The following SMG6 variants were observed in gnomAD, a reference collection of about 807,000 sequenced individuals.
SMG6 encodes telomerase-binding protein EST1A.
Under a neutral mutation model 142.2 loss-of-function variants are expected in SMG6, and 66 were observed. The ratio of observed to expected loss-of-function variants is 0.46; its 90% CI spans 0.38 to 0.57. The LOEUF (loss-of-function observed/expected upper bound fraction) is 0.57. Ranked by LOEUF, SMG6 falls within the 20% of genes least tolerant of loss-of-function variation. The pLI is 0.00. For missense variants in SMG6, 1,793 were observed against 1,832.0 expected (o/e 0.98, Z 0.39); for synonymous variants, 779 against 702.4 (o/e 1.11, Z -1.72).
chr17:2,263,250 G>A (rs1463365744), intron 8 of SMG6, among the ~76,000 whole-genome samples: 1 of 152,146 alleles, frequency 6.6e-6, no homozygotes, highest in Non-Finnish European at 1.5e-5. Flanking sequence ...TTTCTACTAA[G>A]AGCAGAAATT....
At chr17:2,167,185 CA>C (rs11439104) in intron 13 of SMG6, among the ~76,000 whole-genome samples, 1 of 132,648 alleles carries the variant, frequency 7.5e-6, no homozygotes, top group Non-Finnish European at 1.6e-5. Flanking sequence ...AAAAGGCAGG[CA>C]AAAAAAATAA....
chr17:2,135,470 T>C (rs1422258175), intron 13 of SMG6, among the ~76,000 whole-genome samples: 3 of 152,102 alleles, frequency 2.0e-5, no homozygotes, highest in Non-Finnish European at 2.9e-5. Flanking sequence ...TCTTTCCCCG[T>C]CCACCCCCAC....
chr17:2,216,166 G>GCCTT (rs1184558271), intron 10 of SMG6, among the ~76,000 whole-genome samples: 6 of 152,096 alleles, frequency 3.9e-5, no homozygotes, highest in African/African-American at 1.4e-4. Context: ...GGGATCTCGG[G>GCCTT]CAAGGTGGAA....
intron 2 of SMG6, 49 bp downstream of exon 2, chr17:2,298,857 C>A (rs1321184627): frequency 1.9e-6 from 3 of 1,550,030 alleles, no homozygotes; most frequent in Admixed American, 1.8e-5. Context: ...AATCTATACA[C>A]CTCCGGCTGA....
rs9630709 is a variant in SMG6, at chr17:2,267,892, C to T, written c.2661+14755G>A. 9.2e-3 allele frequency among the ~76,000 whole-genome samples: 1,389 copies of T among 151,438 alleles called. 15 individuals carry two copies. Among genetic ancestry groups the T allele is most frequent in the Non-Finnish European group, 0.015 (1,002 of 67,918 alleles). On this transcript the variant is annotated intron_variant, in intron 8 of 18. Coordinates refer to ENST00000263073, the MANE Select transcript of SMG6 (RefSeq NM_017575.5). ...CCTCCCGAGTAGATGGGACTACAGG[C>T]GCCTGCCACCACACCCGGCTAATTT...
chr17:2,139,907 G>C (rs931018436), intron 13 of SMG6, among the ~76,000 whole-genome samples: 3 of 151,744 alleles, frequency 2.0e-5, no homozygotes, highest in South Asian at 4.2e-4. Context: ...TGTATTTTTA[G>C]TAGAGATGGG....
At chr17:2,127,604 C>T in intron 13 of SMG6, 1 of 582,908 alleles carries the variant, frequency 1.7e-6, no homozygotes, top group Non-Finnish European at 3.4e-6. Flanking sequence ...TGCAATGTCA[C>T]TATTTCTGTT....
chr17:2,127,369 TAAGA>T, intron 13 of SMG6: 1 of 599,598 alleles, frequency 1.7e-6, no homozygotes, highest in Non-Finnish European at 3.2e-6. Flanking sequence ...GTTGTACACT[TAAGA>T]AATGGTTGAA....
intron 12 of SMG6, among the ~76,000 whole-genome samples, chr17:2,175,101 G>A (rs986219096): frequency 3.3e-5 from 5 of 152,164 alleles, no homozygotes; most frequent in South Asian, 2.1e-4. Context: ...CCAGTTCCCC[G>A]CTTCCTCCCC....
intron 15 of SMG6, among the ~76,000 whole-genome samples, chr17:2,072,321 G>A (rs1048386835): frequency 6.6e-6 from 1 of 152,126 alleles, no homozygotes; most frequent in Non-Finnish European, 1.5e-5. Flanking sequence ...TCCCTGGATA[G>A]TGCCCTTGGA....
At chr17:2,271,244 C>T (rs1377224464) in intron 8 of SMG6, among the ~76,000 whole-genome samples, 1 of 151,554 alleles carries the variant, frequency 6.6e-6, no homozygotes, top group African/African-American at 2.4e-5. Flanking sequence ...GCATGCACCA[C>T]TATGCCCGGC....
chr17:2,274,998 A>G (rs540709645), intron 8 of SMG6, among the ~76,000 whole-genome samples: 1 of 133,930 alleles, frequency 7.5e-6, no homozygotes, highest in East Asian at 2.0e-4. Flanking sequence ...AGCATAAAAA[A>G]GCATGGGCAA....
At position 2,172,776 on chromosome 17, in the gene SMG6, T is replaced by C. The variant is rs1470609261; in HGVS notation, c.3239A>G (p.Lys1080Arg). ...AVNQSEVPLY[K>R]DPDDDLTLLI... ...AAGGGTGAGGTCATCATCCGGGTCC[T>C]TGTACAGTGGCACCTCAGACTGATT... The change falls in exon 13 of 19, where the codon AAG becomes AGG. Residue 1080 changes from lysine to arginine, a missense_variant. Around this residue, in one of 3 missense-constraint regions of SMG6, gnomAD observed 1,597 missense variants for 1,584.6 expected, o/e 1.01. Transcript: ENST00000263073. 1 of 1,614,168 alleles carries C rather than the reference T, an allele frequency of 6.2e-7. No homozygotes were observed. Among genetic ancestry groups the C allele is most frequent in the Admixed American group, 1.7e-5 (1 of 60,024 alleles).
At chr17:2,162,319 T>C (rs907630860) in intron 13 of SMG6, among the ~76,000 whole-genome samples, 10 of 151,846 alleles carry the variant, frequency 6.6e-5, no homozygotes, top group Non-Finnish European at 1.3e-4. Flanking sequence ...GAGACCATCC[T>C]GGCTAACATG....
At chr17:2,246,340 C>A (rs926630193) in intron 8 of SMG6, among the ~76,000 whole-genome samples, 75 of 152,194 alleles carry the variant, frequency 4.9e-4, no homozygotes, top group African/African-American at 1.7e-3. Flanking sequence ...GTGGTCAGGG[C>A]AAGGAGTCCA....
At chr17:2,111,172 A>G (rs1036202521) in intron 13 of SMG6, among the ~76,000 whole-genome samples, 4 of 151,142 alleles carry the variant, frequency 2.6e-5, no homozygotes, top group Admixed American at 1.3e-4. Flanking sequence ...ACAGCAGTGA[A>G]TAAAACAATG....
chr17:2,190,263 T>C (rs919205473), intron 10 of SMG6, among the ~76,000 whole-genome samples: 3 of 152,038 alleles, frequency 2.0e-5, no homozygotes, highest in Non-Finnish European at 4.4e-5. Context: ...AAGAGGGAGT[T>C]GGGAGAAGAC....
At position 2,303,737 on chromosome 17, in the gene SMG6, A is replaced by G. The variant is rs899017503; in HGVS notation, c.-17T>C. 7.4e-6 allele frequency: 11 copies of G among 1,488,160 alleles called. No homozygotes were observed. In the African/African-American group the frequency reaches 1.5e-4, roughly 20 times the overall value. The allele number at this position is 1,488,160 out of a possible 1,614,324, so 92.2% of individuals were successfully genotyped here. A position where few individuals can be genotyped will look rare whatever the true frequency, so the allele number is the denominator to read the frequency against. On this transcript the variant is annotated 5_prime_UTR_variant, in exon 1 of 19. Coordinates refer to ENST00000263073, the MANE Select transcript of SMG6 (RefSeq NM_017575.5). ...TTCCGCCATCTTCGCGGCTGCTGCT[A>G]CAGCCGTAGCGGCTCCGCCACCGCC... is the stretch of plus-strand genomic sequence containing the variant.
At chr17:2,188,330 G>A in intron 11 of SMG6, 69 bp downstream of exon 11, 12 of 1,243,642 alleles carry the variant, frequency 9.6e-6, no homozygotes, top group Non-Finnish European at 1.4e-5. Flanking sequence ...AAAACAGCAT[G>A]GCACTGTGAG....
Sources: gnomAD v4.1 joint callset for allele counts (sites outside exome capture counted in the v4.1 genomes callset) on GRCh38, gnomAD v4.1.1 for gene constraint, gnomAD v4.1.1 regional missense constraint, MANE v1.5 for transcripts, NCBI Gene and HGNC (gene_info 2026-07-23, HGNC 2026-07-21) for gene names.